The following STAG1 variants were observed in gnomAD, a reference collection of about 807,000 sequenced individuals.
The protein encoded by STAG1 is STAG1 cohesin complex component.
A neutral mutation model predicts 170.9 loss-of-function variants in STAG1; 26 were observed. The observed-to-expected ratio is 0.15, with a 90% CI of 0.11 to 0.21. The LOEUF (loss-of-function observed/expected upper bound fraction) is 0.21. Ranked by LOEUF, STAG1 falls within the 10% of genes least tolerant of loss-of-function variation. The probability of loss-of-function intolerance (pLI) is 1.00; values close to 1 mark genes in which losing one functional copy is unlikely to be tolerated. For missense variants in STAG1, 964 were observed against 1,509.5 expected, an observed-to-expected ratio of 0.64 and a Z score of 5.99; for synonymous variants, 514 against 497.7, an observed-to-expected ratio of 1.03 and a Z score of -0.44.
intron 1 of STAG1, among the ~76,000 whole-genome samples, chr3:136,709,556 G>A (rs1169041365): frequency 1.3e-5 from 2 of 151,972 alleles, no homozygotes; most frequent in Non-Finnish European, 2.9e-5. Context: ...GCAACATCAT[G>A]AGACCCATCT....
chr3:136,451,760 C>T (rs1245630728), intron 14 of STAG1, among the ~76,000 whole-genome samples: 1 of 149,308 alleles, frequency 6.7e-6, no homozygotes. Context: ...GAGACCCTGT[C>T]TCAAAAGAAA....
chr3:136,652,725 C>A (rs1941257329), intron 1 of STAG1, among the ~76,000 whole-genome samples: 1 of 152,098 alleles, frequency 6.6e-6, no homozygotes, highest in African/African-American at 2.4e-5. Flanking sequence ...TTAACATCTC[C>A]CTCCGATAGC....
At chr3:136,373,789 T>C (rs1187560763) in intron 23 of STAG1, among the ~76,000 whole-genome samples, 1 of 152,010 alleles carries the variant, frequency 6.6e-6, no homozygotes, top group Non-Finnish European at 1.5e-5. Context: ...AATTTTGGAA[T>C]AGGTGTGGTG....
chr3:136,336,338 A>G lies in STAG1; in HGVS notation c.*1916T>C, dbSNP rs1935678620. 1 of 152,278 alleles carries G rather than the reference A, an allele frequency of 6.6e-6. No homozygotes were observed. Among genetic ancestry groups the G allele is most frequent in the Non-Finnish European group, 1.5e-5 (1 of 68,054 alleles). The allele number at this position is 152,278 out of a possible 1,614,324, so 9.4% of individuals were successfully genotyped here. On this transcript the variant is annotated 3_prime_UTR_variant, in exon 34 of 34. Transcript: ENST00000383202. ...CAAATGTACAATTTACAGAATTACT[A>G]GCAAAACCAATCAAGGAGACACCGA...
intron 1 of STAG1, among the ~76,000 whole-genome samples, chr3:136,659,745 T>C (rs1941513623): frequency 6.6e-6 from 1 of 152,200 alleles, no homozygotes; most frequent in Admixed American, 6.5e-5. Context: ...GCAAAACTGA[T>C]ACAGTAAAGG....
intron 1 of STAG1, among the ~76,000 whole-genome samples, chr3:136,641,666 C>T (rs1464528188): frequency 6.6e-6 from 1 of 152,212 alleles, no homozygotes; most frequent in Non-Finnish European, 1.5e-5. Flanking sequence ...TCCCTGATTA[C>T]AGGAGAGGCA....
In STAG1 at chr3:136,630,915, T is replaced by C; in HGVS notation, c.-17A>G. On this transcript the variant is annotated 5_prime_UTR_variant, in exon 2 of 34. Transcript: ENST00000383202. Reference sequence around the variant, plus strand: ...AGTAATCATTGCTGGAGAGGTCCTTTCACAATGCAGCAAAATAATCAAGTG... The same window carrying C: ...AGTAATCATTGCTGGAGAGGTCCTTCCACAATGCAGCAAAATAATCAAGTG... 1.3e-6 allele frequency: 2 copies of C among 1,563,598 alleles called. No individual in the cohort carries two copies. The highest frequency in any genetic ancestry group is 2.4e-5 in the South Asian group (2 of 84,090).
At chr3:136,460,536 A>C (rs1194880919) in intron 13 of STAG1, among the ~76,000 whole-genome samples, 2 of 152,188 alleles carry the variant, frequency 1.3e-5, no homozygotes, top group Admixed American at 6.5e-5. Context: ...CAGGAGGTGG[A>C]GGTTGCAGTA....
chr3:136,608,896 T>A (rs569150729), intron 3 of STAG1, among the ~76,000 whole-genome samples: 3 of 148,858 alleles, frequency 2.0e-5, no homozygotes, highest in Non-Finnish European at 3.0e-5. Context: ...AAACATAAAA[T>A]ACACCTCCCA....
chr3:136,348,170 G>A (rs1016043995), intron 29 of STAG1, among the ~76,000 whole-genome samples: 1 of 152,126 alleles, frequency 6.6e-6, no homozygotes, highest in Non-Finnish European at 1.5e-5. Context: ...TCTTGGTTTG[G>A]AGAAAATTTA....
At chr3:136,391,946 T>C (rs1211078917) in intron 22 of STAG1, among the ~76,000 whole-genome samples, 2 of 152,236 alleles carry the variant, frequency 1.3e-5, no homozygotes, top group African/African-American at 4.8e-5. Context: ...AAGCTTTTTC[T>C]TGATATAGTC....
At chr3:136,514,529 A>T (rs1934245691) in intron 7 of STAG1, among the ~76,000 whole-genome samples, 2 of 152,226 alleles carry the variant, frequency 1.3e-5, no homozygotes, top group Non-Finnish European at 2.9e-5. Flanking sequence ...CTAGAACTAG[A>T]AATATCATTT....
chr3:136,359,320 A>G (rs1936769331), intron 26 of STAG1, 24 bp from the exon 27 acceptor site: 2 of 1,529,398 alleles, frequency 1.3e-6, no homozygotes, highest in South Asian at 2.5e-5. Flanking sequence ...AAAAAGAAGA[A>G]AAAACCTATA....
At chr3:136,365,301 T>C (rs986790932) in intron 25 of STAG1, among the ~76,000 whole-genome samples, 1 of 152,102 alleles carries the variant, frequency 6.6e-6, no homozygotes, top group African/African-American at 2.4e-5. Context: ...CCAGGTTTAG[T>C]GAAGAGATAA....
intron 16 of STAG1, among the ~76,000 whole-genome samples, chr3:136,428,639 C>A (rs2088203318): frequency 6.6e-6 from 1 of 152,154 alleles, no homozygotes; most frequent in Non-Finnish European, 1.5e-5. Context: ...AATTACACCA[C>A]TGAAAATGCC....
intron 22 of STAG1, among the ~76,000 whole-genome samples, chr3:136,385,457 T>G (rs2086846234): frequency 6.6e-6 from 1 of 152,128 alleles, no homozygotes; most frequent in Non-Finnish European, 1.5e-5. Context: ...AACCAACTTT[T>G]TCCTAGAGTA....
chr3:136,546,217 C>T (rs777948377), intron 5 of STAG1, among the ~76,000 whole-genome samples: 9 of 152,116 alleles, frequency 5.9e-5, no homozygotes, highest in Non-Finnish European at 1.2e-4. Flanking sequence ...ATGTTGTTCA[C>T]GTAAGACTTA....
intron 23 of STAG1, among the ~76,000 whole-genome samples, chr3:136,375,412 C>T (rs2108303819): frequency 6.6e-6 from 1 of 152,280 alleles, no homozygotes; most frequent in Admixed American, 6.5e-5. Flanking sequence ...AACACTGCCC[C>T]CTCCAAAGTT....
intron 1 of STAG1, among the ~76,000 whole-genome samples, chr3:136,679,601 C>T (rs982031293): frequency 1.3e-5 from 2 of 151,996 alleles, no homozygotes; most frequent in Non-Finnish European, 2.9e-5. Flanking sequence ...CGGTGGTGGG[C>T]GCCTGTAGTC....
Sources: gnomAD v4.1 joint callset for allele counts (sites outside exome capture counted in the v4.1 genomes callset) on GRCh38, gnomAD v4.1.1 for gene constraint, MANE v1.5 for transcripts, NCBI Gene and HGNC (gene_info 2026-07-23, HGNC 2026-07-21) for gene names.